MKX: variants seen among roughly 807,000 people sequenced by gnomAD.
MKX encodes the protein homeobox protein Mohawk.
MKX carries 13 observed loss-of-function variants against 36.0 expected under a neutral mutation model. The observed-to-expected ratio is 0.36, with a 90% CI of 0.24 to 0.57. The LOEUF (loss-of-function observed/expected upper bound fraction) is 0.57, where lower values mean the gene tolerates loss of function less well. MKX is among the 20% of genes least tolerant of loss of function. MKX has a pLI of 0.79. For synonymous variants in MKX, 176 were observed against 178.3 expected (o/e 0.99, Z 0.10); for missense variants, 458 against 456.4 (o/e 1.00, Z -0.03).
At chr10:27,676,936 C>CA (rs1419271468) in intron 5 of MKX, among the ~76,000 whole-genome samples, 4 of 152,096 alleles carry the variant, frequency 2.6e-5, no homozygotes, top group African/African-American at 9.7e-5. Flanking sequence ...GAATGTCTCC[C>CA]AACACCACAT....
At chr10:27,679,786 A>G (rs780527264) in intron 5 of MKX, among the ~76,000 whole-genome samples, 1 of 152,266 alleles carries the variant, frequency 6.6e-6, no homozygotes, top group East Asian at 1.9e-4. Flanking sequence ...TCTTCTCATT[A>G]TACTAACTGG....
intron 5 of MKX, among the ~76,000 whole-genome samples, chr10:27,721,892 T>C (rs1225064745): frequency 6.6e-6 from 1 of 152,012 alleles, no homozygotes; most frequent in Admixed American, 6.6e-5. Context: ...ATAATGGGGG[T>C]AGTATTTCAA....
At chr10:27,711,520 T>TTCCTTCCG (rs1836870964) in intron 5 of MKX, among the ~76,000 whole-genome samples, 1 of 143,718 alleles carries the variant, frequency 7.0e-6, no homozygotes, top group East Asian at 2.0e-4. Context: ...CCTTCCTTCC[T>TTCCTTCCG]TCCTTCCTTC....
At chr10:27,689,369 A>G (rs1417859218) in intron 5 of MKX, among the ~76,000 whole-genome samples, 3 of 152,220 alleles carry the variant, frequency 2.0e-5, no homozygotes, top group South Asian at 4.1e-4. Context: ...CATTTTAAAT[A>G]TGCTGCAATG....
chr10:27,686,088 G>A (rs1027639418), intron 5 of MKX, among the ~76,000 whole-genome samples: 4 of 152,104 alleles, frequency 2.6e-5, no homozygotes, highest in African/African-American at 9.7e-5. Flanking sequence ...ACTAAAGCCT[G>A]GTGAAGATCA....
intron 5 of MKX, among the ~76,000 whole-genome samples, chr10:27,682,151 T>C (rs1003083473): frequency 2.0e-5 from 3 of 152,066 alleles, no homozygotes; most frequent in African/African-American, 7.2e-5. Context: ...TTAACAAAAA[T>C]GTTTAGAAAG....
chr10:27,678,570 G>A (rs1003225591), intron 5 of MKX, among the ~76,000 whole-genome samples: 8 of 150,710 alleles, frequency 5.3e-5, no homozygotes, highest in African/African-American at 2.0e-4. Flanking sequence ...TCTCAGAGTG[G>A]TTACTGCACA....
intron 5 of MKX, among the ~76,000 whole-genome samples, chr10:27,703,252 C>T (rs913883617): frequency 6.6e-6 from 1 of 152,158 alleles, no homozygotes; most frequent in East Asian, 1.9e-4. Flanking sequence ...CCATCGTTAT[C>T]ATATTGGAAC....
intron 5 of MKX, among the ~76,000 whole-genome samples, chr10:27,681,377 A>G (rs1836251256): frequency 6.6e-6 from 1 of 152,172 alleles, no homozygotes; most frequent in African/African-American, 2.4e-5. Context: ...GGAACCCCGC[A>G]GGCGGAGGTT....
rs1589702237 is a variant in MKX, at chr10:27,743,174, A to G, written c.188+54T>C. On this transcript the variant is annotated intron_variant, in intron 2 of 6. Transcript: ENST00000419761. Reference sequence around the variant, plus strand: ...CCACGGGACCCCGTCACAGCTCACCACCCCCACCCCTCCGGGCCGCAGGCG... The same window carrying G: ...CCACGGGACCCCGTCACAGCTCACCGCCCCCACCCCTCCGGGCCGCAGGCG... 2.9e-6 allele frequency: 4 copies of G among 1,388,606 alleles called. No individual in the cohort carries two copies. In the South Asian group the frequency reaches 7.2e-5, roughly 25 times the overall value. 86.0% of individuals were successfully genotyped at this position (1,388,606 alleles called of 1,614,324 possible).
intron 5 of MKX, among the ~76,000 whole-genome samples, chr10:27,711,317 A>G (rs1470702637): frequency 6.6e-6 from 1 of 152,208 alleles, no homozygotes; most frequent in Non-Finnish European, 1.5e-5. Flanking sequence ...TCCTAAAAGC[A>G]CTATCTACTC....
intron 5 of MKX, among the ~76,000 whole-genome samples, chr10:27,692,078 A>ATTG (rs764896085): frequency 6.6e-6 from 1 of 152,152 alleles, no homozygotes. Flanking sequence ...CACTAATGGG[A>ATTG]TTGCTGTGTT....
chr10:27,736,372 C>G (rs1233469709), intron 3 of MKX, among the ~76,000 whole-genome samples: 3 of 66,224 alleles, frequency 4.5e-5, no homozygotes, highest in African/African-American at 1.8e-4. Context: ...CAAAGAAAAG[C>G]TACTTCCATT....
intron 5 of MKX, among the ~76,000 whole-genome samples, chr10:27,704,306 A>G (rs1042649315): frequency 1.3e-5 from 2 of 152,196 alleles, no homozygotes; most frequent in Non-Finnish European, 2.9e-5. Flanking sequence ...CATTAAAAGT[A>G]ACAAAAGCAT....
chr10:27,719,882 C>T (rs528521192), intron 5 of MKX, among the ~76,000 whole-genome samples: 3 of 150,684 alleles, frequency 2.0e-5, no homozygotes, highest in Admixed American at 6.6e-5. Context: ...CAGCTACTCT[C>T]GAGGCCCAAG....
In MKX at chr10:27,706,389, T is replaced by C. The variant is rs552313969; in HGVS notation, c.838+28067A>G. ...AGTCCCTGACTTTAACTCTTGCTGG[T>C]ATGTACCCAGAAGGTGCATTGCTGG... On this transcript the variant is annotated intron_variant, in intron 5 of 6. Transcript: ENST00000419761. 4.6e-5 allele frequency among the ~76,000 whole-genome samples: 7 copies of C among 152,328 alleles called. No individual in the cohort carries two copies. The East Asian group carries it at 5.8e-4, about 13-fold the overall frequency.
intron 5 of MKX, among the ~76,000 whole-genome samples, chr10:27,688,696 T>A (rs1420676663): frequency 6.6e-6 from 1 of 152,232 alleles, no homozygotes; most frequent in Non-Finnish European, 1.5e-5. Flanking sequence ...ACATGCAGGT[T>A]GAGCTACTAG....
In MKX at chr10:27,743,302, G is replaced by T. The variant is rs1345673747; in HGVS notation, c.114C>A (p.His38Gln). ...CGGGAATGCCCACCTCGGGGCGGGCGTGAGGACTGTCCAGGACACCGCTGT... is the reference window on the plus strand; with the variant it reads ...CGGGAATGCCCACCTCGGGGCGGGCTTGAGGACTGTCCAGGACACCGCTGT... ...RPYSGVLDSP[H>Q]ARPEVGIPDG... The change falls in exon 2 of 7, where the codon CAC becomes CAA. Residue 38 changes from histidine to glutamine, a missense_variant. By Grantham distance (24) the His-to-Gln change is conservative (BLOSUM62 0). Coordinates refer to ENST00000419761, the MANE Select transcript of MKX (RefSeq NM_173576.3). 3.2e-6 allele frequency: 5 copies of T among 1,560,900 alleles called. No individual in the cohort carries two copies. Among genetic ancestry groups the T allele is most frequent in the Admixed American group, 2.0e-5 (1 of 49,818 alleles).
chr10:27,729,155 G>A (rs1177448346), intron 5 of MKX, among the ~76,000 whole-genome samples: 5 of 152,236 alleles, frequency 3.3e-5, no homozygotes, highest in African/African-American at 1.2e-4. Context: ...TACCAGATGT[G>A]TCTAATTAAG....
Sources: gnomAD v4.1 joint callset for allele counts (sites outside exome capture counted in the v4.1 genomes callset) on GRCh38, gnomAD v4.1.1 for gene constraint, MANE v1.5 for transcripts, NCBI Gene and HGNC (gene_info 2026-07-23, HGNC 2026-07-21) for gene names.